Variants in BTBD9 observed in about 807,000 individuals in gnomAD.
BTBD9 encodes BTB domain containing 9.
BTBD9 carries 49 observed loss-of-function variants against 64.3 expected under a neutral mutation model. That is an observed-to-expected ratio of 0.76 (90% CI 0.61 to 0.97). BTBD9 has a LOEUF of 0.97. Among genes scored for constraint, BTBD9 ranks in the 50% least tolerant of loss-of-function variants. The pLI is 0.00. For synonymous variants in BTBD9, 260 were observed against 274.7 expected (o/e 0.95, Z 0.53); for missense variants, 598 against 762.1 (o/e 0.78, Z 2.53).
intron 9 of BTBD9, among the ~76,000 whole-genome samples, chr6:38,235,723 A>G (rs1763754416): frequency 6.6e-6 from 1 of 152,234 alleles, no homozygotes; most frequent in Admixed American, 6.5e-5. Context: ...TGTAACTGAC[A>G]CTTCCTATTT....
chr6:38,266,659 AAAGAAAGAAAGAAAGAAAG>A (rs1204282967), intron 8 of BTBD9, among the ~76,000 whole-genome samples: 13 of 125,604 alleles, frequency 1.0e-4, no homozygotes, highest in African/African-American at 2.1e-4. Flanking sequence ...AGAAAGAAAG[AAAGAAAGAAAGAAAGAAAG>A]AAGAAAAAGA....
chr6:38,202,290 T>C (rs1762493450), intron 9 of BTBD9, among the ~76,000 whole-genome samples: 1 of 151,900 alleles, frequency 6.6e-6, no homozygotes, highest in African/African-American at 2.4e-5. Flanking sequence ...TTTCACCATG[T>C]TGGCCAGGAT....
At chr6:38,404,060 G>T (rs1767062025) in intron 6 of BTBD9, among the ~76,000 whole-genome samples, 1 of 152,164 alleles carries the variant, frequency 6.6e-6, no homozygotes, top group South Asian at 2.1e-4. Context: ...CAGATTAGTG[G>T]TGGCCAGGGG....
At chr6:38,343,979 T>C (rs181710570) in intron 7 of BTBD9, among the ~76,000 whole-genome samples, 123 of 152,348 alleles carry the variant, frequency 8.1e-4, no homozygotes, top group Admixed American at 2.0e-4. Flanking sequence ...AGTATGGACA[T>C]GTGTGCCAAC....
intron 7 of BTBD9, among the ~76,000 whole-genome samples, chr6:38,329,266 A>G (rs1763579438): frequency 1.3e-5 from 2 of 151,412 alleles, no homozygotes; most frequent in South Asian, 4.2e-4. Flanking sequence ...TTCCTTTAGG[A>G]TGAATTATTA....
intron 9 of BTBD9, among the ~76,000 whole-genome samples, chr6:38,210,100 G>GAC (rs1762779873): frequency 6.6e-6 from 1 of 152,108 alleles, no homozygotes; most frequent in Admixed American, 6.5e-5. Flanking sequence ...TTTAATGCTC[G>GAC]ACGTCTCACT....
At chr6:38,586,552 C>G (rs1471542324) in intron 4 of BTBD9, among the ~76,000 whole-genome samples, 1 of 152,086 alleles carries the variant, frequency 6.6e-6, no homozygotes, top group Admixed American at 6.5e-5. Context: ...CAAGATAAAA[C>G]CTCTCTACAC....
At chr6:38,235,891 G>T (rs1358862981) in intron 9 of BTBD9, among the ~76,000 whole-genome samples, 2 of 152,098 alleles carry the variant, frequency 1.3e-5, no homozygotes, top group Admixed American at 1.3e-4. Context: ...GAACACACAA[G>T]AAACCAATGT....
At chr6:38,493,855 A>C (rs1232966080) in intron 6 of BTBD9, among the ~76,000 whole-genome samples, 1 of 152,218 alleles carries the variant, frequency 6.6e-6, no homozygotes, top group Non-Finnish European at 1.5e-5. Flanking sequence ...TAGTCACATT[A>C]ATTAATGCTA....
chr6:38,203,767 G>A (rs946620170), intron 9 of BTBD9, among the ~76,000 whole-genome samples: 2 of 151,050 alleles, frequency 1.3e-5, no homozygotes, highest in Non-Finnish European at 2.9e-5. Flanking sequence ...GGTGGAAGGG[G>A]GAAATGAAGA....
At chr6:38,380,428 T>C (rs965259225) in intron 6 of BTBD9, among the ~76,000 whole-genome samples, 2 of 152,190 alleles carry the variant, frequency 1.3e-5, no homozygotes, top group Non-Finnish European at 2.9e-5. Context: ...AACAATAATA[T>C]TGTCCCACTT....
intron 6 of BTBD9, among the ~76,000 whole-genome samples, chr6:38,401,593 A>G (rs1223396528): frequency 6.6e-6 from 1 of 152,226 alleles, no homozygotes; most frequent in East Asian, 1.9e-4. Context: ...CCTGGTAAAG[A>G]GACAAGAAGT....
At chr6:38,554,934 A>C (rs529121242) in intron 6 of BTBD9, among the ~76,000 whole-genome samples, 1 of 152,356 alleles carries the variant, frequency 6.6e-6, no homozygotes, top group South Asian at 2.1e-4. Context: ...ATGGATTAGG[A>C]AGCTCCAAAA....
At chr6:38,600,589 CA>C (rs776127791) in intron 1 of BTBD9, among the ~76,000 whole-genome samples, 10 of 152,112 alleles carry the variant, frequency 6.6e-5, no homozygotes, top group Non-Finnish European at 1.5e-4. Context: ...TGATTCTAAA[CA>C]AAACGCTCTT....
chr6:38,239,438 CA>C (rs750690746), intron 9 of BTBD9, among the ~76,000 whole-genome samples: 14,712 of 59,012 alleles, frequency 0.25, 673 homozygotes, highest in East Asian at 0.33. Flanking sequence ...GACTCTGTCT[CA>C]AAAAAAAAAA....
chr6:38,215,358 G>A (rs1038121045), intron 9 of BTBD9, among the ~76,000 whole-genome samples: 9 of 152,110 alleles, frequency 5.9e-5, no homozygotes, highest in African/African-American at 1.7e-4. Context: ...TGATGGAGAC[G>A]AACAGGCAAG....
chr6:38,175,329 G>A lies in BTBD9; in HGVS notation c.1642-147C>T, dbSNP rs546205506. The A allele has an allele frequency of 2.4e-5, 18 of 740,884 alleles. 1 individual carries two copies. The highest frequency in any genetic ancestry group is 4.7e-5 in the Admixed American group (2 of 42,182). The allele number at this position is 740,884 out of a possible 1,614,324, so 45.9% of individuals were successfully genotyped here. ...CCTTCCCACTGCCCACGCCTGCCCC[G>A]GCGCAGACACCTGATGGCAACTAGC... On this transcript the variant is annotated intron_variant, in intron 10 of 10. Transcript: ENST00000481247.
intron 9 of BTBD9, among the ~76,000 whole-genome samples, chr6:38,207,982 T>A (rs1408541340): frequency 6.6e-6 from 1 of 151,882 alleles, no homozygotes; most frequent in Admixed American, 6.6e-5. Context: ...ACTTTGATAA[T>A]TTTTTTTAAT....
chr6:38,338,681 T>C (rs1763990868), intron 7 of BTBD9, among the ~76,000 whole-genome samples: 1 of 152,042 alleles, frequency 6.6e-6, no homozygotes, highest in African/African-American at 2.4e-5. Flanking sequence ...CAGGAGACCT[T>C]AGGAAGCACA....
Sources: allele counts gnomAD v4.1 joint callset (sites outside exome capture counted in the v4.1 genomes callset), GRCh38; gene constraint gnomAD v4.1.1; transcripts MANE v1.5; gene names NCBI Gene and HGNC (gene_info 2026-07-23, HGNC 2026-07-21).